Variants in ATXN10 observed in about 807,000 individuals in gnomAD.
ATXN10 encodes the protein ataxin-10.
Under a neutral mutation model 52.9 loss-of-function variants are expected in ATXN10, and 28 were observed. That is an observed-to-expected ratio of 0.53 (90% CI 0.39 to 0.73). The LOEUF (loss-of-function observed/expected upper bound fraction) is 0.73, where lower values mean the gene tolerates loss of function less well. ATXN10 is among the 30% of genes least tolerant of loss of function. The pLI is 0.00. For synonymous variants in ATXN10, 226 were observed against 221.5 expected (o/e 1.02, Z -0.18); for missense variants, 565 against 577.0 (o/e 0.98, Z 0.21).
chr22:45,680,497 A>G (rs1408465751), intron 1 of ATXN10, among the ~76,000 whole-genome samples: 1 of 152,110 alleles, frequency 6.6e-6, no homozygotes, highest in African/African-American at 2.4e-5. Flanking sequence ...AGAAACTCCT[A>G]GGTTTTCTCT....
At chr22:45,793,714 C>T in intron 9 of ATXN10, 1 of 1,478,618 alleles carries the variant, frequency 6.8e-7, no homozygotes, top group Non-Finnish European at 9.0e-7. Flanking sequence ...CTGAGGCCCT[C>T]TTGCCTGCTA....
At position 45,757,645 on chromosome 22, in the gene ATXN10, G is replaced by A. The variant is rs13057717; in HGVS notation, c.1173+17107G>A. ...ACATTAGTACAGTATTAGTAAATAT[G>A]GATGGGATAAAATTTTTTTTACATA... On this transcript the variant is annotated intron_variant, in intron 9 of 11. Transcript: ENST00000252934. This position sits in a 1 kb window ranked among gnomAD's most constrained non-coding sequence, Gnocchi z 4.6. 0.047 allele frequency among the ~76,000 whole-genome samples: 7,082 copies of A among 151,770 alleles called. 239 individuals carry two copies. The highest frequency in any genetic ancestry group is 0.092 in the Middle Eastern group (27 of 292).
chr22:45,724,273 A>G (rs1924779429), intron 6 of ATXN10, among the ~76,000 whole-genome samples: 1 of 152,034 alleles, frequency 6.6e-6, no homozygotes, highest in Admixed American at 6.6e-5. Context: ...TTACTATTTT[A>G]CTTTCCCCCC....
intron 9 of ATXN10, 165 bp downstream of exon 9, chr22:45,740,703 C>CACAA: frequency 4.8e-6 from 2 of 420,278 alleles, no homozygotes; most frequent in Non-Finnish European, 4.3e-6. Flanking sequence ...CACACACACA[C>CACAA]ACACACACAC....
Position 45,818,262 on chromosome 22 carries a change from C to G in ATXN10, c.1237+11240C>G, listed in dbSNP as rs577793849. ...TACGGATTGGCAGACAGCCTGGCTT[C>G]TTTCCAGGGCATTAACAGTTATGCA... On this transcript the variant is annotated intron_variant, in intron 10 of 11. Coordinates refer to ENST00000252934, the MANE Select transcript of ATXN10 (RefSeq NM_013236.4). The surrounding 1 kb of genome is among the most constrained non-coding windows in gnomAD (Gnocchi z 4.6). 7.2e-5 allele frequency among the ~76,000 whole-genome samples: 11 copies of G among 152,172 alleles called. No homozygotes were observed. Among genetic ancestry groups the G allele is most frequent in the Admixed American group, 3.3e-4 (5 of 15,280 alleles).
chr22:45,748,461 T>C (rs1010292539), intron 9 of ATXN10, among the ~76,000 whole-genome samples: 10 of 152,224 alleles, frequency 6.6e-5, no homozygotes, highest in Non-Finnish European at 8.8e-5. Flanking sequence ...ATGAGAACTT[T>C]CTTTAGGATG....
chr22:45,817,429 A>T (rs529899707), intron 10 of ATXN10, among the ~76,000 whole-genome samples: 401 of 145,046 alleles, frequency 2.8e-3, no homozygotes, highest in African/African-American at 0.01. Context: ...AGTTCAAGTG[A>T]TTCTTGTGCT....
At position 45,790,711 on chromosome 22, in the gene ATXN10, T is replaced by C. The variant is rs184471233; in HGVS notation, c.1174-16248T>C. Among the ~76,000 whole-genome samples the C allele has an allele frequency of 6.6e-6, 1 of 152,328 alleles. No individual in the cohort carries two copies. Among genetic ancestry groups the C allele is most frequent in the African/African-American group, 2.4e-5 (1 of 41,580 alleles). On this transcript the variant is annotated intron_variant, in intron 9 of 11. Transcript: ENST00000252934. This position sits in a 1 kb window ranked among gnomAD's most constrained non-coding sequence, Gnocchi z 4.7. Reference sequence around the variant, plus strand: ...GGTTTTGTAGGACCCAATCACAGTTTCTGTTCAAATAGCCACTGAAACATC... The same window carrying C: ...GGTTTTGTAGGACCCAATCACAGTTCCTGTTCAAATAGCCACTGAAACATC...
intron 9 of ATXN10, among the ~76,000 whole-genome samples, chr22:45,755,040 A>G (rs1926124830): frequency 6.6e-6 from 1 of 152,208 alleles, no homozygotes; most frequent in Admixed American, 6.5e-5. Flanking sequence ...TGCTCAGGAA[A>G]GCCAGGTGGC....
chr22:45,815,559 T>C (rs1320907707), intron 10 of ATXN10, among the ~76,000 whole-genome samples: 2 of 152,354 alleles, frequency 1.3e-5, no homozygotes, highest in East Asian at 3.9e-4. Context: ...TTTTCTGTTT[T>C]GTTTTCACTT....
At position 45,708,887 on chromosome 22, in the gene ATXN10, C is replaced by T. The variant is rs575110589; in HGVS notation, c.647+6040C>T. Among the ~76,000 whole-genome samples, 12 of 152,292 alleles carry T rather than the reference C, an allele frequency of 7.9e-5. No homozygotes were observed. The highest frequency in any genetic ancestry group is 2.2e-4 in the African/African-American group (9 of 41,566). On this transcript the variant is annotated intron_variant, in intron 5 of 11. Coordinates refer to ENST00000252934, the MANE Select transcript of ATXN10 (RefSeq NM_013236.4). The surrounding 1 kb of genome is among the most constrained non-coding windows in gnomAD (Gnocchi z 5.3). ...AACTCCTGACCTCAGGTGATCTCCC[C>T]GCCTGTCTCCCAAAGTGCTGGGATT...
At position 45,727,331 on chromosome 22, in the gene ATXN10, ATATCTATCTATCTATC is replaced by A. The variant is rs71315146; in HGVS notation, c.729-2064_729-2049del. Among the ~76,000 whole-genome samples, 11 of 146,678 alleles carry A rather than the reference ATATCTATCTATCTATC, an allele frequency of 7.5e-5. No individual in the cohort carries two copies. Among genetic ancestry groups the A allele is most frequent in the African/African-American group, 1.5e-4 (6 of 39,208 alleles). ...GTTCTGTCTGTCTGTCTATCTATCT[ATATCTATCTATCTATC>A]TATCTATCTATCTATCTATCTATCT... On this transcript the variant is annotated intron_variant, in intron 6 of 11. Transcript: ENST00000252934. The surrounding 1 kb of genome is among the most constrained non-coding windows in gnomAD (Gnocchi z 4.6).
intron 1 of ATXN10, among the ~76,000 whole-genome samples, chr22:45,689,286 G>C (rs1334095069): frequency 2.0e-5 from 3 of 152,226 alleles, no homozygotes; most frequent in Admixed American, 1.3e-4. Context: ...TTCTGATTCA[G>C]GGTAGATCCA....
chr22:45,744,770 C>G lies in ATXN10; in HGVS notation c.1173+4232C>G, dbSNP rs1925665335. On this transcript the variant is annotated intron_variant, in intron 9 of 11. Transcript: ENST00000252934. This position sits in a 1 kb window ranked among gnomAD's most constrained non-coding sequence, Gnocchi z 4.9. ...GCATGGTATCAACTGGAAGGATGGTCATCTTTCTTTGAGATACTTGTCTTT... is the reference window on the plus strand; with the variant it reads ...GCATGGTATCAACTGGAAGGATGGTGATCTTTCTTTGAGATACTTGTCTTT... 6.6e-6 allele frequency: 1 copy of G among 152,158 alleles called. No individual in the cohort carries two copies. The highest frequency in any genetic ancestry group is 2.1e-4 in the South Asian group (1 of 4,826). 9.4% of individuals were successfully genotyped at this position (152,158 alleles called of 1,614,324 possible).
rs1482666408 is a variant in ATXN10, at chr22:45,684,787, T to A, written c.117-4925T>A. Among the ~76,000 whole-genome samples the A allele has an allele frequency of 6.6e-6, 1 of 152,184 alleles. No homozygotes were observed. Among genetic ancestry groups the A allele is most frequent in the African/African-American group, 2.4e-5 (1 of 41,444 alleles). ...GAGGAGAGAAGAGTGTGAAAAGAAGTTTTGAGTTCTGCGCAGATTTCAAAA... is the reference window on the plus strand; with the variant it reads ...GAGGAGAGAAGAGTGTGAAAAGAAGATTTGAGTTCTGCGCAGATTTCAAAA... On this transcript the variant is annotated intron_variant, in intron 1 of 11. Coordinates refer to ENST00000252934, the MANE Select transcript of ATXN10 (RefSeq NM_013236.4). The surrounding 1 kb of genome is among the most constrained non-coding windows in gnomAD (Gnocchi z 4.1).
chr22:45,819,128 C>T lies in ATXN10; in HGVS notation c.1237+12106C>T, dbSNP rs906450847. Among the ~76,000 whole-genome samples, 3 of 152,038 alleles carry T rather than the reference C, an allele frequency of 2.0e-5. No individual in the cohort carries two copies. The highest frequency in any genetic ancestry group is 4.1e-4 in the South Asian group (2 of 4,824). ...TTCAAAATTGTTTACTCAAACAGTA[C>T]ATTTAACAGAGTAGCCATCCTGCAT... On this transcript the variant is annotated intron_variant, in intron 10 of 11. Transcript: ENST00000252934. The surrounding 1 kb of genome is among the most constrained non-coding windows in gnomAD (Gnocchi z 4.5).
At chr22:45,777,737 T>A (rs1927009884) in intron 9 of ATXN10, among the ~76,000 whole-genome samples, 1 of 152,214 alleles carries the variant, frequency 6.6e-6, no homozygotes, top group African/African-American at 2.4e-5. Flanking sequence ...CACGCACCCC[T>A]CCGCACCTGC....
chr22:45,839,581 A>C (rs5765659), intron 10 of ATXN10, among the ~76,000 whole-genome samples: 37,588 of 152,160 alleles, frequency 0.25, 5,101 homozygotes, highest in East Asian at 0.54. Context: ...GTAAGTTTGC[A>C]TTCTACAGAA....
chr22:45,699,631 A>G (rs1923761391), intron 3 of ATXN10, among the ~76,000 whole-genome samples: 1 of 150,308 alleles, frequency 6.7e-6, no homozygotes, highest in Non-Finnish European at 1.5e-5. Context: ...AGCTGGGATT[A>G]CAGACGCCTT....
Sources: gnomAD v4.1 joint callset for allele counts (sites outside exome capture counted in the v4.1 genomes callset) on GRCh38, gnomAD v4.1.1 for gene constraint, Gnocchi (gnomAD v3.1) non-coding constraint, MANE v1.5 for transcripts, NCBI Gene and HGNC (gene_info 2026-07-23, HGNC 2026-07-21) for gene names.